Variants in MPP3 observed in about 807,000 individuals in gnomAD.
MPP3 encodes the protein MAGUK p55 scaffold protein 3.
A neutral mutation model predicts 80.7 loss-of-function variants in MPP3; 48 were observed. The ratio of observed to expected loss-of-function variants is 0.59; its 90% CI spans 0.47 to 0.76. The LOEUF (loss-of-function observed/expected upper bound fraction) is 0.76. Ranked by LOEUF, MPP3 falls within the 30% of genes least tolerant of loss-of-function variation. MPP3 has a pLI of 0.00. For synonymous variants in MPP3, 311 were observed against 297.6 expected (o/e 1.04, Z -0.46); for missense variants, 620 against 763.0 (o/e 0.81, Z 2.21).
At chr17:43,815,812 A>T (rs751274844) in intron 14 of MPP3, 1 of 676,548 alleles carries the variant, frequency 1.5e-6, no homozygotes, top group South Asian at 1.6e-5. Flanking sequence ...CTTTCCCGCC[A>T]GGGCAGTGTG....
intron 7 of MPP3, 124 bp downstream of exon 7, chr17:43,829,530 G>A (rs1220621174): frequency 3.5e-6 from 4 of 1,132,770 alleles, no homozygotes; most frequent in Non-Finnish European, 3.8e-6. Flanking sequence ...GGGATGAGCA[G>A]CAGCGCAGGC....
intron 7 of MPP3, among the ~76,000 whole-genome samples, chr17:43,828,871 T>C (rs1485473623): frequency 1.3e-5 from 2 of 152,142 alleles, no homozygotes; most frequent in Admixed American, 1.3e-4. Flanking sequence ...GCTCACAATG[T>C]GTTTGCTAAA....
In MPP3 at chr17:43,820,797, G is replaced by A. The variant is rs952188383; in HGVS notation, c.881+65C>T. On this transcript the variant is annotated intron_variant, in intron 11 of 19. Transcript: ENST00000398389. ...TGGCTGTGAGGGCAGAGACTTGGGG[G>A]TCTGCCATGTACCTGTGCCTCTGCC... 3.4e-6 allele frequency: 5 copies of A among 1,470,994 alleles called. No individual in the cohort carries two copies. In the Admixed American group the frequency reaches 5.2e-5, roughly 15 times the overall value. The allele number at this position is 1,470,994 out of a possible 1,614,324, so 91.1% of individuals were successfully genotyped here.
rs770540227 is a variant in MPP3 at position 43,818,140 on chromosome 17, C to T, written c.882-30G>A. 70 of 1,469,366 alleles carry T rather than the reference C, an allele frequency of 4.8e-5. No individual in the cohort carries two copies. The African/African-American group carries it at 8.6e-4, about 18-fold the overall frequency. The allele number at this position is 1,469,366 out of a possible 1,614,324, so 91.0% of individuals were successfully genotyped here. ...AGGGACACAAGGGGATGGGCGGGCCCGTGAGCTGGGCCAGATAACCACTTG... is the reference window on the plus strand; with the variant it reads ...AGGGACACAAGGGGATGGGCGGGCCTGTGAGCTGGGCCAGATAACCACTTG... On this transcript the variant is annotated intron_variant, in intron 11 of 19. Transcript: ENST00000398389.
intron 11 of MPP3, among the ~76,000 whole-genome samples, chr17:43,818,533 C>A (rs943194686): frequency 6.6e-6 from 1 of 152,168 alleles, no homozygotes; most frequent in Non-Finnish European, 1.5e-5. Context: ...TAATTTAACA[C>A]CCTCCCCTCA....
At chr17:43,807,483 A>G (rs1198308621) in intron 19 of MPP3, among the ~76,000 whole-genome samples, 1 of 150,212 alleles carries the variant, frequency 6.7e-6, no homozygotes, top group Non-Finnish European at 1.5e-5. Context: ...ACACCTGGCT[A>G]ATTTTTGTAA....
At chr17:43,832,204 T>C (rs2045998472) in intron 2 of MPP3, 2 of 488,606 alleles carry the variant, frequency 4.1e-6, no homozygotes, top group African/African-American at 2.0e-5. Flanking sequence ...ACTGCGAATG[T>C]TCCCATTTTA....
chr17:43,814,470 A>AT, intron 14 of MPP3, 109 bp from the exon 15 acceptor site: 20 of 1,164,518 alleles, frequency 1.7e-5, no homozygotes, highest in East Asian at 2.5e-5. Flanking sequence ...ACTGAGTCCC[A>AT]CTGACTTCTC....
intron 3 of MPP3, 84 bp downstream of exon 3, chr17:43,831,798 G>T: frequency 6.8e-7 from 1 of 1,465,714 alleles, no homozygotes; most frequent in Non-Finnish European, 9.3e-7. Context: ...CTCTCCCCAG[G>T]CTCTCACTGC....
Position 43,801,449 on chromosome 17 carries a change from G to A in MPP3, c.*252C>T, listed in dbSNP as rs2044404300. On this transcript the variant is annotated 3_prime_UTR_variant, in exon 20 of 20. Coordinates refer to ENST00000398389, the MANE Select transcript of MPP3 (RefSeq NM_001932.6). ...ACAAAGAATCAGGGTCAGCTTGCCT[G>A]TGATACTTTAATAAATGAAATGTGT... is the stretch of plus-strand genomic sequence containing the variant. 4.4e-6 allele frequency: 2 copies of A among 453,082 alleles called. No individual in the cohort carries two copies. 28.1% of individuals were successfully genotyped at this position (453,082 alleles called of 1,614,324 possible).
At chr17:43,803,531 C>T (rs536080080) in intron 19 of MPP3, among the ~76,000 whole-genome samples, 7 of 152,182 alleles carry the variant, frequency 4.6e-5, no homozygotes, top group African/African-American at 7.2e-5. Flanking sequence ...TCAGCTTTGC[C>T]GGGTCAGAAG....
chr17:43,831,198 G>A lies in MPP3; in HGVS notation c.222+46C>T, dbSNP rs768455860. 1.9e-6 allele frequency: 3 copies of A among 1,564,150 alleles called. No individual in the cohort carries two copies. The Admixed American group carries it at 5.0e-5, about 26-fold the overall frequency. On this transcript the variant is annotated intron_variant, in intron 5 of 19. Coordinates refer to ENST00000398389, the MANE Select transcript of MPP3 (RefSeq NM_001932.6). ...CGAGGCAAGATGAAGGAGCCCTACA[G>A]GGTGGGGAGTGGGGCAGACACTGTA...
chr17:43,816,630 C>T (rs1284237639), intron 13 of MPP3, 47 bp downstream of exon 13: 21 of 1,546,384 alleles, frequency 1.4e-5, no homozygotes, highest in Admixed American at 9.7e-5. Context: ...AGACGTTCCA[C>T]GGAAAAGGGG....
At chr17:43,824,577 A>G (rs2045611520) in intron 9 of MPP3, among the ~76,000 whole-genome samples, 1 of 152,006 alleles carries the variant, frequency 6.6e-6, no homozygotes, top group Non-Finnish European at 1.5e-5. Context: ...GGCCCAACAA[A>G]GGAAGAATGC....
At chr17:43,825,523 A>G in intron 9 of MPP3, 1 of 453,294 alleles carries the variant, frequency 2.2e-6, no homozygotes, top group Admixed American at 3.7e-5. Context: ...GGAAGGAAGG[A>G]AGGCTGTGCT....
intron 17 of MPP3, 65 bp from the exon 18 acceptor site, chr17:43,810,980 G>A: frequency 6.9e-7 from 1 of 1,454,778 alleles, no homozygotes; most frequent in South Asian, 1.2e-5. Flanking sequence ...GCAAAGCAAA[G>A]GGGACCTCCC....
In MPP3 at chr17:43,814,281, C is replaced by T. The variant is rs2045007840; in HGVS notation, c.1090G>A (p.Glu364Lys). Residue 364 changes from glutamate (E) to lysine (K), a missense_variant, in exon 15 of 20, where the codon GAG (glutamate) becomes AAG (lysine). Glu to Lys is a moderately conservative substitution (Grantham distance 56). Transcript: ENST00000398389. ...SQEGKMSSGA[E>K]SPELLTYEEV... is the part of the protein sequence containing the mutation. The stretch of plus-strand genomic sequence containing the variant: ...TCGTAAGTCAGCAGCTCCGGAGACT[C>T]AGCTCCGGAGGACATCTTTCCTTCC... 1 of 1,612,738 alleles carries T rather than the reference C, an allele frequency of 6.2e-7. No homozygotes were observed. Among genetic ancestry groups the T allele is most frequent in the African/African-American group, 1.3e-5 (1 of 74,918 alleles).
intron 8 of MPP3, 38 bp downstream of exon 8, chr17:43,827,713 G>A: frequency 6.3e-7 from 1 of 1,599,266 alleles, no homozygotes; most frequent in South Asian, 1.1e-5. Flanking sequence ...CAATGGCCAT[G>A]ATCGGGGCTG....
At chr17:43,802,738 C>T in intron 19 of MPP3, among the ~76,000 whole-genome samples, 1 of 152,336 alleles carries the variant, frequency 6.6e-6, no homozygotes, top group East Asian at 1.9e-4. Flanking sequence ...CTGGCATTCA[C>T]TCACTGCCCT....
Sources: allele counts gnomAD v4.1 joint callset (sites outside exome capture counted in the v4.1 genomes callset), GRCh38; gene constraint gnomAD v4.1.1; transcripts MANE v1.5; gene names NCBI Gene and HGNC (gene_info 2026-07-23, HGNC 2026-07-21).